MTR: variants seen among roughly 807,000 people sequenced by gnomAD.
MTR encodes methionine synthase.
MTR carries 84 observed loss-of-function variants against 154.8 expected under a neutral mutation model. The observed-to-expected ratio is 0.54, with a 90% CI of 0.45 to 0.65. The LOEUF (loss-of-function observed/expected upper bound fraction) is 0.65. Among genes scored for constraint, MTR ranks in the 30% least tolerant of loss-of-function variants. MTR has a pLI of 0.00. For missense variants in MTR, 1,275 were observed against 1,570.2 expected, an observed-to-expected ratio of 0.81 and a Z score of 3.18; for synonymous variants, 554 against 553.9, an observed-to-expected ratio of 1.00 and a Z score of 0.00.
chr1:236,861,116 C>CT lies in MTR; in HGVS notation c.2044-3dup, dbSNP rs747734135. The CT allele has an allele frequency of 2.6e-6, 2 of 763,272 alleles. No homozygotes were observed. The highest frequency in any genetic ancestry group is 5.3e-5 in the South Asian group (2 of 37,848). 47.3% of individuals were successfully genotyped at this position (763,272 alleles called of 1,614,324 possible). On this transcript the variant is annotated splice_polypyrimidine_tract_variant and intron_variant, in intron 19 of 32. Coordinates refer to ENST00000366577, the MANE Select transcript of MTR (RefSeq NM_000254.3). ...CTTTTTCTTTTTTTTTTTTTTTTGTCTTTTTTAGGGCATTGAAAAACATAT... is the reference window on the plus strand; with the variant it reads ...CTTTTTCTTTTTTTTTTTTTTTTGTCTTTTTTTAGGGCATTGAAAAACATAT...
In MTR at chr1:236,829,236, C is replaced by G; in HGVS notation, c.1043C>G (p.Ala348Gly). The G allele has an allele frequency of 6.2e-7, 1 of 1,614,026 alleles. No individual in the cohort carries two copies. The highest frequency in any genetic ancestry group is 8.5e-7 in the Non-Finnish European group (1 of 1,179,950). Residue 348 changes from alanine (A) to glycine (G), a missense_variant, in exon 12 of 33, where the codon GCC becomes GGC. Ala to Gly is a moderately conservative substitution (Grantham distance 60, BLOSUM62 0). Coordinates refer to ENST00000366577, the MANE Select transcript of MTR (RefSeq NM_000254.3). ...AATTGTAAGCCTAGAGTTCCACCTG[C>G]CACTGCTTTTGAAGGACATATGTTA... ...VKNCKPRVPP[A>G]TAFEGHMLLS... is the part of the protein sequence containing the mutation.
intron 2 of MTR, among the ~76,000 whole-genome samples, chr1:236,804,199 A>G (rs566588752): frequency 6.6e-6 from 1 of 152,300 alleles, no homozygotes; most frequent in South Asian, 2.1e-4. Context: ...TTGTGCTTAT[A>G]AGGGCACTGC....
chr1:236,868,008 G>C (rs529658731), intron 22 of MTR, among the ~76,000 whole-genome samples: 262 of 152,358 alleles, frequency 1.7e-3, no homozygotes, highest in Non-Finnish European at 3.0e-3. Context: ...CAGGGGCAAG[G>C]TTTGAGATGA....
chr1:236,802,692 G>A (rs1423842785), intron 1 of MTR, among the ~76,000 whole-genome samples: 1 of 152,078 alleles, frequency 6.6e-6, no homozygotes, highest in Non-Finnish European at 1.5e-5. Flanking sequence ...AAAAAAAGTA[G>A]AAATTGGGAC....
chr1:236,823,018 T>G (rs143568839), intron 8 of MTR, among the ~76,000 whole-genome samples: 71 of 152,294 alleles, frequency 4.7e-4, no homozygotes, highest in Middle Eastern at 3.4e-3. Flanking sequence ...ATTCCTAGTT[T>G]GCTGAATTTT....
At chr1:236,883,845 G>A (rs980044432) in intron 25 of MTR, among the ~76,000 whole-genome samples, 9 of 152,182 alleles carry the variant, frequency 5.9e-5, no homozygotes, top group South Asian at 2.1e-4. Flanking sequence ...CACTTTAGCC[G>A]TCATTCAGTC....
At chr1:236,838,283 A>C in intron 14 of MTR, 131 bp from the exon 15 acceptor site, 3 of 911,124 alleles carry the variant, frequency 3.3e-6, no homozygotes, top group Non-Finnish European at 5.1e-6. Context: ...TTAAAATTCT[A>C]TCTCTGACAT....
intron 29 of MTR, among the ~76,000 whole-genome samples, chr1:236,891,675 G>A (rs77775662): frequency 0.036 from 5,432 of 152,224 alleles, 303 homozygotes; most frequent in African/African-American, 0.12. Flanking sequence ...GTTCAAAAAC[G>A]TAGGTTAATA....
intron 1 of MTR, among the ~76,000 whole-genome samples, chr1:236,799,296 T>G (rs1408739133): frequency 1.3e-5 from 2 of 149,522 alleles, no homozygotes; most frequent in South Asian, 2.1e-4. Context: ...TAATTTTTGT[T>G]TTTTTTTTTT....
Position 236,827,976 on chromosome 1 carries a change from AAT to A in MTR, c.995+1093_995+1094del, listed in dbSNP as rs201057101. 6.6e-5 allele frequency among the ~76,000 whole-genome samples: 10 copies of A among 151,490 alleles called. No individual in the cohort carries two copies. The East Asian group carries it at 1.4e-3, about 20-fold the overall frequency. On this transcript the variant is annotated intron_variant, in intron 11 of 32. Transcript: ENST00000366577. ...CTGATGTGATAGACTCTTAGTAAATAATATATATATATATTTTTTGGGATGGA... is the reference window on the plus strand; with the variant it reads ...CTGATGTGATAGACTCTTAGTAAATAATATATATATATTTTTTGGGATGGA...
At chr1:236,801,190 C>T (rs1660682662) in intron 1 of MTR, among the ~76,000 whole-genome samples, 1 of 152,146 alleles carries the variant, frequency 6.6e-6, no homozygotes, top group Non-Finnish European at 1.5e-5. Context: ...AAGTGATTTT[C>T]TTTGGTTCTT....
chr1:236,858,847 T>C lies in MTR; in HGVS notation c.1954-986T>C, dbSNP rs114840462. ...GTAATGCAATTTATCAGGTGTGCCA[T>C]GATCATTGCGCTTTTGTTCCTTTGC... On this transcript the variant is annotated intron_variant, in intron 18 of 32. Transcript: ENST00000366577. 2.5e-3 allele frequency among the ~76,000 whole-genome samples: 384 copies of C among 152,334 alleles called. 4 individuals carry two copies. Among genetic ancestry groups the C allele is most frequent in the African/African-American group, 8.2e-3 (341 of 41,570 alleles).
At chr1:236,839,584 G>A (rs1663110910) in intron 15 of MTR, among the ~76,000 whole-genome samples, 1 of 152,128 alleles carries the variant, frequency 6.6e-6, no homozygotes, top group Non-Finnish European at 1.5e-5. Context: ...CAAATATAAT[G>A]ATCGTTCATC....
chr1:236,895,563 A>C lies in MTR; in HGVS notation c.3598+13A>C. 1.9e-6 allele frequency: 3 copies of C among 1,558,312 alleles called. No individual in the cohort carries two copies. The highest frequency in any genetic ancestry group is 2.6e-6 in the Non-Finnish European group (3 of 1,150,424). On this transcript the variant is annotated intron_variant, in intron 31 of 32. Coordinates refer to ENST00000366577, the MANE Select transcript of MTR (RefSeq NM_000254.3). ...GAGCAGTCTACAGGTAGGAGCCAGG[A>C]GGCTGCGGGTTCCTGTCTTCCTTCT...
Position 236,803,543 on chromosome 1 carries a change from C to A in MTR, c.150C>A (p.His50Gln). The A allele has an allele frequency of 1.9e-6, 3 of 1,614,174 alleles. No individual in the cohort carries two copies. The highest frequency in any genetic ancestry group is 2.5e-6 in the Non-Finnish European group (3 of 1,180,024). ...MIQREKLNEE[H>Q]FRGQEFKDHA... ...AGCGGGAGAAGCTAAACGAAGAACA[C>A]TTCCGAGGTCAGGAATTTAAAGATC... The change falls in exon 2 of 33, where the codon CAC becomes CAA. Residue 50 changes from histidine to glutamine, a missense_variant. By Grantham distance (24) the His-to-Gln change is conservative. Coordinates refer to ENST00000366577, the MANE Select transcript of MTR (RefSeq NM_000254.3).
At position 236,900,182 on chromosome 1, in the gene MTR, A is replaced by G. The variant is rs148021206; in HGVS notation, c.*2538A>G. 7.7e-4 allele frequency: 314 copies of G among 409,808 alleles called. 2 individuals carry two copies. In the East Asian group the frequency reaches 0.017, roughly 22 times the overall value. The allele number at this position is 409,808 out of a possible 1,614,324, so 25.4% of individuals were successfully genotyped here. A position where few individuals can be genotyped will look rare whatever the true frequency, so the allele number is the denominator to read the frequency against. On this transcript the variant is annotated 3_prime_UTR_variant, in exon 33 of 33. Coordinates refer to ENST00000366577, the MANE Select transcript of MTR (RefSeq NM_000254.3). ...GAAATGTATGTCTGTCTACAGGAAA[A>G]TAGGTGAATAATTAGATATATATAT...
chr1:236,819,186 A>T (rs944526042), intron 8 of MTR, among the ~76,000 whole-genome samples: 14 of 152,286 alleles, frequency 9.2e-5, no homozygotes, highest in Admixed American at 6.5e-4. Context: ...CAAATATATC[A>T]TGAGTAACAT....
intron 23 of MTR, 142 bp from the exon 24 acceptor site, chr1:236,874,584 A>C: frequency 1.5e-6 from 1 of 676,556 alleles, no homozygotes; most frequent in East Asian, 3.1e-5. Context: ...AAAAAAAAAA[A>C]AGAATTAGGA....
intron 22 of MTR, 22 bp downstream of exon 22, chr1:236,863,576 TTCAACCC>T (rs768139955): frequency 9.4e-6 from 15 of 1,588,144 alleles, no homozygotes; most frequent in Non-Finnish European, 1.3e-5. Flanking sequence ...CCTCACCTCT[TTCAACCC>T]CTTTTCCATT....
Sources: gnomAD v4.1 joint callset for allele counts (sites outside exome capture counted in the v4.1 genomes callset) on GRCh38, gnomAD v4.1.1 for gene constraint, MANE v1.5 for transcripts, NCBI Gene and HGNC (gene_info 2026-07-23, HGNC 2026-07-21) for gene names.